The following GALNT13 variants were observed in gnomAD, a reference collection of about 807,000 sequenced individuals.
GALNT13 encodes polypeptide N-acetylgalactosaminyltransferase 13.
GALNT13 carries 28 observed loss-of-function variants against 64.2 expected under a neutral mutation model. That is an observed-to-expected ratio of 0.44 (90% CI 0.32 to 0.60). The LOEUF (loss-of-function observed/expected upper bound fraction) is 0.60, where lower values mean the gene tolerates loss of function less well. GALNT13 is among the 20% of genes least tolerant of loss of function. The pLI is 0.05. For missense variants in GALNT13, 577 were observed against 669.8 expected (o/e 0.86, Z 1.53); for synonymous variants, 214 against 224.6 (o/e 0.95, Z 0.42).
the GALNT13 span, among the ~76,000 whole-genome samples, chr2:153,337,958 A>G: frequency 6.6e-6 from 1 of 152,234 alleles, no homozygotes; most frequent in South Asian, 2.1e-4. Flanking sequence ...AGTACTTATT[A>G]TTATAGAACA....
At chr2:153,880,195 G>A (rs1008957489) in intron 1 of GALNT13, among the ~76,000 whole-genome samples, 4 of 151,936 alleles carry the variant, frequency 2.6e-5, no homozygotes, top group African/African-American at 9.7e-5. Context: ...CTAAATTTAT[G>A]GATTTTTTCT....
the GALNT13 span, among the ~76,000 whole-genome samples, chr2:153,558,563 T>G: frequency 2.6e-5 from 4 of 152,198 alleles, no homozygotes; most frequent in Non-Finnish European, 4.4e-5. Flanking sequence ...GTCTTCTCCT[T>G]TCCAAGGTCC....
chr2:153,705,281 AGAT>A, the GALNT13 span, among the ~76,000 whole-genome samples: 4 of 152,140 alleles, frequency 2.6e-5, no homozygotes, highest in Admixed American at 2.0e-4. Flanking sequence ...TGTAAAATAA[AGAT>A]GATAATACTT....
chr2:153,363,603 A>G, the GALNT13 span, among the ~76,000 whole-genome samples: 4 of 152,230 alleles, frequency 2.6e-5, no homozygotes, highest in African/African-American at 9.6e-5. Context: ...AATATTATAA[A>G]CACCTCTACA....
At chr2:153,183,272 G>T in the GALNT13 span, among the ~76,000 whole-genome samples, 1 of 152,102 alleles carries the variant, frequency 6.6e-6, no homozygotes, top group Non-Finnish European at 1.5e-5. Context: ...CCACGTGTAC[G>T]TCTTCTTTTG....
the GALNT13 span, among the ~76,000 whole-genome samples, chr2:153,086,762 T>G: frequency 6.6e-6 from 1 of 151,382 alleles, no homozygotes; most frequent in Admixed American, 6.6e-5. Flanking sequence ...TGTTGTTGGG[T>G]TCTTGATTTG....
At chr2:153,193,555 C>G in the GALNT13 span, among the ~76,000 whole-genome samples, 13 of 151,640 alleles carry the variant, frequency 8.6e-5, no homozygotes, top group African/African-American at 2.7e-4. Flanking sequence ...ATGTAACTAA[C>G]CTGCACAATG....
intron 3 of GALNT13, among the ~76,000 whole-genome samples, chr2:154,032,915 A>G (rs1698432524): frequency 7.2e-6 from 1 of 138,960 alleles, no homozygotes; most frequent in Admixed American, 7.5e-5. Flanking sequence ...CAACCTTACT[A>G]AAATCACGTA....
chr2:154,053,561 CTATT>C (rs1406488203), intron 3 of GALNT13, among the ~76,000 whole-genome samples: 1 of 151,974 alleles, frequency 6.6e-6, no homozygotes, highest in East Asian at 1.9e-4. Context: ...AAAAAAAATT[CTATT>C]TGCTTTTTAT....
intron 9 of GALNT13, among the ~76,000 whole-genome samples, chr2:154,328,489 G>A (rs989977715): frequency 7.9e-5 from 12 of 152,014 alleles, no homozygotes; most frequent in African/African-American, 1.4e-4. Context: ...TGATGCTGCT[G>A]TGATCATTAT....
At chr2:153,436,062 C>T in the GALNT13 span, among the ~76,000 whole-genome samples, 4 of 152,108 alleles carry the variant, frequency 2.6e-5, no homozygotes, top group African/African-American at 9.7e-5. Context: ...TGTCAAAGGC[C>T]TTTTCTGCAT....
rs982005324 is a variant in GALNT13, at chr2:154,382,510, G to A, written c.1157-13481G>A. Among the ~76,000 whole-genome samples, 74 of 152,026 alleles carry A rather than the reference G, an allele frequency of 4.9e-4. 1 individual carries two copies. The highest frequency in any genetic ancestry group is 4.9e-3 in the Admixed American group (74 of 15,228). ...TTTGACATGACCAGTGCTAGAAGAA[G>A]ATAAATACTGCATGGGAAACCCAGG... On this transcript the variant is annotated intron_variant, in intron 9 of 12. Coordinates refer to ENST00000392825, the MANE Select transcript of GALNT13 (RefSeq NM_052917.4).
chr2:154,192,466 G>T (rs1686647896), intron 4 of GALNT13, among the ~76,000 whole-genome samples: 1 of 152,100 alleles, frequency 6.6e-6, no homozygotes, highest in Non-Finnish European at 1.5e-5. Flanking sequence ...GGACCATGAA[G>T]TCAGCCAGGT....
the GALNT13 span, among the ~76,000 whole-genome samples, chr2:153,660,356 C>T: frequency 0.17 from 26,282 of 151,894 alleles, 2,814 homozygotes; most frequent in Non-Finnish European, 0.23. Flanking sequence ...AAAGAAAGCA[C>T]ATCACACCTG....
At chr2:153,894,234 C>G (rs984075521) in intron 1 of GALNT13, among the ~76,000 whole-genome samples, 1 of 152,042 alleles carries the variant, frequency 6.6e-6, no homozygotes, top group Non-Finnish European at 1.5e-5. Context: ...TTGAATCTCT[C>G]GAGACCCCAC....
the GALNT13 span, among the ~76,000 whole-genome samples, chr2:153,168,515 T>G: frequency 2.0e-5 from 3 of 152,308 alleles, no homozygotes; most frequent in African/African-American, 7.2e-5. Context: ...AATTAACGCA[T>G]CTCTCCACTT....
the GALNT13 span, among the ~76,000 whole-genome samples, chr2:153,765,210 C>T: frequency 6.6e-6 from 1 of 152,202 alleles, no homozygotes; most frequent in Non-Finnish European, 1.5e-5. Flanking sequence ...CCACTGACAG[C>T]TTTCACTGCA....
chr2:153,235,014 C>T, the GALNT13 span, among the ~76,000 whole-genome samples: 1 of 152,112 alleles, frequency 6.6e-6, no homozygotes, highest in African/African-American at 2.4e-5. Flanking sequence ...CTATGGTGAT[C>T]TGTTATCAGT....
intron 3 of GALNT13, among the ~76,000 whole-genome samples, chr2:154,027,319 A>G (rs2105296882): frequency 6.6e-6 from 1 of 152,248 alleles, no homozygotes; most frequent in East Asian, 1.9e-4. Context: ...GTAACGTAAC[A>G]TTGGACTACT....
Sources: gnomAD v4.1 joint callset for allele counts (sites outside exome capture counted in the v4.1 genomes callset) on GRCh38, gnomAD v4.1.1 for gene constraint, MANE v1.5 for transcripts, NCBI Gene and HGNC (gene_info 2026-07-23, HGNC 2026-07-21) for gene names.